The following CDH18 variants were observed in gnomAD, a reference collection of about 807,000 sequenced individuals.
The protein encoded by CDH18 is cadherin-18.
A neutral mutation model predicts 67.9 loss-of-function variants in CDH18; 31 were observed. That is an observed-to-expected ratio of 0.46 (90% CI 0.34 to 0.62). CDH18 has a LOEUF of 0.62. Among genes scored for constraint, CDH18 ranks in the 20% least tolerant of loss-of-function variants. The probability of loss-of-function intolerance (pLI) is 0.01; values close to 1 mark genes in which losing one functional copy is unlikely to be tolerated. For synonymous variants in CDH18, 362 were observed against 347.2 expected (o/e 1.04, Z -0.48); for missense variants, 890 against 975.5 (o/e 0.91, Z 1.17).
chr5:20,036,224 T>C (rs1175448390), intron 2 of CDH18, among the ~76,000 whole-genome samples: 2 of 152,022 alleles, frequency 1.3e-5, no homozygotes, highest in African/African-American at 4.8e-5. Flanking sequence ...ACAGCTTACA[T>C]GTCAAACAGA....
At chr5:20,563,863 C>T (rs977399580) in intron 1 of CDH18, among the ~76,000 whole-genome samples, 3 of 152,006 alleles carry the variant, frequency 2.0e-5, no homozygotes, top group Non-Finnish European at 2.9e-5. Flanking sequence ...AACAAAATGG[C>T]GCTCTGATCT....
chr5:20,301,018 G>GGGGTGAAC (rs146282096), intron 1 of CDH18, among the ~76,000 whole-genome samples: 2,494 of 152,232 alleles, frequency 0.016, 75 homozygotes, highest in African/African-American at 0.057. Context: ...GAACAAAAGA[G>GGGGTGAAC]GGGTGAACGG....
At chr5:19,818,569 C>G (rs1252720255) in intron 3 of CDH18, among the ~76,000 whole-genome samples, 2 of 152,090 alleles carry the variant, frequency 1.3e-5, no homozygotes, top group Non-Finnish European at 2.9e-5. Context: ...AGAAGTGCAT[C>G]GTTAAGCAAT....
intron 9 of CDH18, among the ~76,000 whole-genome samples, chr5:19,539,157 A>G (rs1210426271): frequency 2.6e-5 from 4 of 152,126 alleles, no homozygotes; most frequent in Admixed American, 2.0e-4. Context: ...CTTTCTTTCT[A>G]TACACCTGTT....
intron 2 of CDH18, among the ~76,000 whole-genome samples, chr5:19,847,137 T>C (rs1013600566): frequency 2.6e-5 from 4 of 152,108 alleles, no homozygotes; most frequent in Non-Finnish European, 4.4e-5. Flanking sequence ...TTCAAATTCA[T>C]TGGGCTACTT....
At chr5:20,096,474 T>C (rs528421685) in intron 2 of CDH18, among the ~76,000 whole-genome samples, 1 of 152,156 alleles carries the variant, frequency 6.6e-6, no homozygotes, top group East Asian at 1.9e-4. Context: ...AAAAGGAAAG[T>C]GTAAATATGT....
chr5:20,333,609 CTTG>C (rs1739410314), intron 1 of CDH18, among the ~76,000 whole-genome samples: 1 of 150,262 alleles, frequency 6.7e-6, no homozygotes, highest in South Asian at 2.1e-4. Flanking sequence ...TAATCTTTGC[CTTG>C]TTGATATTAT....
Position 19,486,453 on chromosome 5 carries a change from C to T in CDH18, c.1631-2901G>A, listed in dbSNP as rs547698218. Among the ~76,000 whole-genome samples, 59 of 151,772 alleles carry T rather than the reference C, an allele frequency of 3.9e-4. 1 individual carries two copies. The highest frequency in any genetic ancestry group is 1.3e-3 in the African/African-American group (52 of 41,420). The stretch of plus-strand genomic sequence containing the variant: ...GTCTTGCTGAAATTGCAAAATTAGG[C>T]GACAAGACCCATAACAAATCTCTAA... On this transcript the variant is annotated intron_variant, in intron 11 of 12. Coordinates refer to ENST00000382275, the MANE Select transcript of CDH18 (RefSeq NM_004934.5).
intron 6 of CDH18, among the ~76,000 whole-genome samples, chr5:19,595,968 T>A (rs1161218058): frequency 1.3e-5 from 2 of 152,228 alleles, no homozygotes; most frequent in Non-Finnish European, 1.5e-5. Context: ...CTACCATTAC[T>A]AAAAGATCTA....
chr5:19,587,456 T>C (rs1203788339), intron 7 of CDH18, among the ~76,000 whole-genome samples: 1 of 152,168 alleles, frequency 6.6e-6, no homozygotes, highest in Non-Finnish European at 1.5e-5. Flanking sequence ...GCATGTTGAA[T>C]TGATTTTTGT....
intron 2 of CDH18, among the ~76,000 whole-genome samples, chr5:20,039,669 T>C (rs1187745804): frequency 2.6e-5 from 4 of 152,140 alleles, no homozygotes; most frequent in Admixed American, 2.6e-4. Flanking sequence ...ACTGGATCCC[T>C]TCCTTACACC....
At chr5:19,998,645 G>T (rs1736204244) in intron 2 of CDH18, among the ~76,000 whole-genome samples, 1 of 152,036 alleles carries the variant, frequency 6.6e-6, no homozygotes, top group African/African-American at 2.4e-5. Flanking sequence ...ATGGCAGAAA[G>T]AAGGACAGAA....
intron 8 of CDH18, among the ~76,000 whole-genome samples, chr5:19,556,220 A>T (rs1166987489): frequency 6.6e-6 from 1 of 152,210 alleles, no homozygotes; most frequent in African/African-American, 2.4e-5. Context: ...AGGTTCTTTA[A>T]CATCCCAAAA....
At chr5:19,675,696 C>CA (rs1759389746) in intron 5 of CDH18, among the ~76,000 whole-genome samples, 1 of 151,956 alleles carries the variant, frequency 6.6e-6, no homozygotes, top group Non-Finnish European at 1.5e-5. Flanking sequence ...ACAATCATCA[C>CA]AGGGTCCTGA....
At chr5:19,626,086 A>G (rs549514549) in intron 5 of CDH18, among the ~76,000 whole-genome samples, 3 of 152,250 alleles carry the variant, frequency 2.0e-5, no homozygotes, top group South Asian at 4.1e-4. Context: ...TGTAAAACCC[A>G]TAACTCCAAA....
intron 2 of CDH18, among the ~76,000 whole-genome samples, chr5:20,001,859 A>C (rs2150401595): frequency 6.6e-6 from 1 of 152,278 alleles, no homozygotes; most frequent in Admixed American, 6.5e-5. Context: ...TGGCAAAATT[A>C]AAGTGTAGGT....
At chr5:20,083,646 C>T (rs1430327945) in intron 2 of CDH18, among the ~76,000 whole-genome samples, 2 of 152,092 alleles carry the variant, frequency 1.3e-5, no homozygotes, top group Non-Finnish European at 2.9e-5. Context: ...AAAGACATGC[C>T]TGTGACTGGG....
chr5:19,881,209 C>T (rs1787601997), intron 2 of CDH18, among the ~76,000 whole-genome samples: 1 of 152,072 alleles, frequency 6.6e-6, no homozygotes, highest in South Asian at 2.1e-4. Flanking sequence ...GAGAGTAAGT[C>T]CTTTCAATGC....
At position 20,520,228 on chromosome 5, in the gene CDH18, T is replaced by C. The variant is rs185921922; in HGVS notation, c.-580+55234A>G. ...CCAAGTAGAGGTAAGGAAAGCTGCC[T>C]GGTACAAGTTTCAGAGAAATGTTTC... On this transcript the variant is annotated intron_variant, in intron 1 of 14. Coordinates refer to the CDH18 transcript ENST00000507958. Among the ~76,000 whole-genome samples, 4 of 152,174 alleles carry C rather than the reference T, an allele frequency of 2.6e-5. No homozygotes were observed. The East Asian group carries it at 7.8e-4, about 30-fold the overall frequency.
Sources: allele counts gnomAD v4.1 joint callset (sites outside exome capture counted in the v4.1 genomes callset), GRCh38; gene constraint gnomAD v4.1.1; transcripts MANE v1.5; gene names NCBI Gene and HGNC (gene_info 2026-07-23, HGNC 2026-07-21).